Variants in KLHL13 observed in about 807,000 individuals in gnomAD.
The protein encoded by KLHL13 is kelch like family member 13.
A neutral mutation model predicts 37.1 loss-of-function variants in KLHL13; 10 were observed. That is an observed-to-expected ratio of 0.27 (90% CI 0.17 to 0.46). KLHL13 has a LOEUF of 0.46. KLHL13 is among the 20% of genes least tolerant of loss of function. The pLI, the probability that KLHL13 is intolerant of heterozygous loss-of-function variation, is 1.00. For synonymous variants in KLHL13, 163 were observed against 181.2 expected (o/e 0.90, Z 0.81); for missense variants, 360 against 509.3 (o/e 0.71, Z 2.82).
intron 1 of KLHL13, among the ~76,000 whole-genome samples, chrX:118,023,729 T>C (rs7878948): frequency 0.055 from 6,073 of 110,804 alleles, 408 homozygotes; most frequent in African/African-American, 0.19. Flanking sequence ...CCACCATGCC[T>C]AGCTAATTTT....
chrX:118,065,898 T>G (rs1478347838), intron 1 of KLHL13, among the ~76,000 whole-genome samples: 1 of 112,157 alleles, frequency 8.9e-6, no homozygotes, highest in Non-Finnish European at 1.9e-5. Context: ...AGTATCACAA[T>G]AAGTTCCTTC....
upstream of KLHL13, among the ~76,000 whole-genome samples, chrX:117,975,177 T>TACACATACACACACACACAC (rs1556327645): frequency 8.7e-5 from 9 of 103,276 alleles, no homozygotes; most frequent in African/African-American, 3.2e-4. Context: ...GAGAAATACA[T>TACACATACACACACACACAC]ACACACACAC....
intron 1 of KLHL13, among the ~76,000 whole-genome samples, chrX:118,084,400 A>C: frequency 8.9e-6 from 1 of 112,039 alleles, no homozygotes; most frequent in Non-Finnish European, 1.9e-5. Context: ...AGAAAAAGAG[A>C]GATAGCATGA....
At chrX:118,045,353 G>A (rs1478903096) in intron 1 of KLHL13, among the ~76,000 whole-genome samples, 2 of 84,295 alleles carry the variant, frequency 2.4e-5, no homozygotes, top group South Asian at 7.0e-4. Context: ...CAGCCTAGGC[G>A]ACAGAGCAAG....
chrX:117,995,540 A>G (rs2053845479), intron 1 of KLHL13, among the ~76,000 whole-genome samples: 1 of 111,524 alleles, frequency 9.0e-6, no homozygotes, highest in South Asian at 3.8e-4. Context: ...TATCAAGTAA[A>G]CAATTCAGTG....
chrX:118,073,206 G>T (rs12836386), intron 1 of KLHL13, among the ~76,000 whole-genome samples: 3,666 of 110,760 alleles, frequency 0.033, 148 homozygotes, highest in African/African-American at 0.11. Context: ...CCAGAGACTG[G>T]GCAATTTACA....
At chrX:117,999,683 A>T (rs2053898152) in intron 1 of KLHL13, among the ~76,000 whole-genome samples, 1 of 110,083 alleles carries the variant, frequency 9.1e-6, no homozygotes. Context: ...CCTAAAACTT[A>T]AAGTATAATT....
chrX:117,945,571 G>C, exon 2 of KLHL13: 1 of 1,196,136 alleles, frequency 8.4e-7, no homozygotes, highest in East Asian at 3.0e-5. Flanking sequence ...TCTTCCACGA[G>C]AGATCTGAAA....
At chrX:117,983,335 T>C in intron 1 of KLHL13, 1 of 352,471 alleles carries the variant, frequency 2.8e-6, no homozygotes, top group Non-Finnish European at 4.9e-6. Flanking sequence ...ATTTACATAC[T>C]TTTTTCCTAA....
intron 1 of KLHL13, among the ~76,000 whole-genome samples, chrX:117,959,994 A>C (rs1369437438): frequency 3.6e-5 from 4 of 110,812 alleles, no homozygotes; most frequent in African/African-American, 9.8e-5. Flanking sequence ...TGAGCTTGCC[A>C]CTCCAATTCA....
intron 1 of KLHL13, among the ~76,000 whole-genome samples, chrX:118,072,757 T>C (rs1038939869): frequency 2.7e-5 from 3 of 112,066 alleles, no homozygotes; most frequent in African/African-American, 6.5e-5. Flanking sequence ...AAGTTTAGAA[T>C]TGTTTTCTCT....
chrX:118,115,152 G>T (rs1195719464), intron 1 of KLHL13, among the ~76,000 whole-genome samples: 1 of 112,612 alleles, frequency 8.9e-6, no homozygotes, highest in Non-Finnish European at 1.9e-5. Flanking sequence ...GATGTAAAAT[G>T]ATGTCATAAA....
chrX:117,959,087 T>TA (rs36059732), intron 1 of KLHL13, among the ~76,000 whole-genome samples: 18,726 of 109,714 alleles, frequency 0.17, 2,322 homozygotes, highest in African/African-American at 0.43. Context: ...GCACATCATT[T>TA]AAAAAAAACA....
At chrX:118,020,869 T>C (rs1394414416) in intron 1 of KLHL13, among the ~76,000 whole-genome samples, 3 of 107,948 alleles carry the variant, frequency 2.8e-5, no homozygotes, top group African/African-American at 1.0e-4. Context: ...GAAACCATCA[T>C]TCTCAGCAAA....
At chrX:117,974,668 A>G (rs1011494085), upstream of KLHL13, among the ~76,000 whole-genome samples, 1 of 111,946 alleles carries the variant, frequency 8.9e-6, no homozygotes, top group Non-Finnish European at 1.9e-5. Flanking sequence ...TCAAGGCAAA[A>G]AGACAAACTA....
intron 1 of KLHL13, among the ~76,000 whole-genome samples, chrX:118,094,471 A>G (rs1456439448): frequency 5.4e-5 from 6 of 111,510 alleles, no homozygotes; most frequent in African/African-American, 2.0e-4. Flanking sequence ...ACTCTGCAGG[A>G]TATTATCCAG....
In KLHL13 at chrX:117,968,271, G is replaced by A. The variant is rs760265771; in HGVS notation, c.98+4460C>T. 3.6e-5 allele frequency among the ~76,000 whole-genome samples: 4 copies of A among 112,046 alleles called. No homozygotes were observed. The South Asian group carries it at 1.5e-3, about 42-fold the overall frequency. On this transcript the variant is annotated intron_variant, in intron 1 of 6. Transcript: ENST00000262820. ...AGGAAAAGCTGTCCATGAATGGAGG[G>A]TGCAGCCTTGGTGAGGTAGTGAGCC...
intron 1 of KLHL13, among the ~76,000 whole-genome samples, chrX:117,965,148 C>G (rs2053396970): frequency 9.0e-6 from 1 of 111,704 alleles, no homozygotes; most frequent in African/African-American, 3.3e-5. Context: ...TTCTAGATCC[C>G]TGAGGAATGG....
intron 4 of KLHL13, among the ~76,000 whole-genome samples, chrX:117,917,138 T>C (rs1303176843): frequency 8.9e-6 from 1 of 111,879 alleles, no homozygotes; most frequent in African/African-American, 3.2e-5. Flanking sequence ...TGCATGTTCC[T>C]GGAACTAATC....
Sources: gnomAD v4.1 joint callset for allele counts (sites outside exome capture counted in the v4.1 genomes callset) on GRCh38, gnomAD v4.1.1 for gene constraint, MANE v1.5 for transcripts, NCBI Gene and HGNC (gene_info 2026-07-23, HGNC 2026-07-21) for gene names.